The following FAM107A variants were observed in gnomAD, a reference collection of about 807,000 sequenced individuals.
FAM107A encodes the protein actin-associated protein FAM107A.
A neutral mutation model predicts 13.7 loss-of-function variants in FAM107A; 19 were observed. The ratio of observed to expected loss-of-function variants is 1.38; its 90% CI spans 0.97 to 2.03. The LOEUF (loss-of-function observed/expected upper bound fraction) is 2.03, where lower values mean the gene tolerates loss of function less well. Among genes scored for constraint, FAM107A ranks in the 30% most tolerant of loss-of-function variants. The pLI is 0.00. For missense variants in FAM107A, 203 were observed against 184.4 expected (o/e 1.10, Z -0.58); for synonymous variants, 82 against 74.5 (o/e 1.10, Z -0.52).
At chr3:58,570,467 G>T in intron 1 of FAM107A, 1 of 649,576 alleles carries the variant, frequency 1.5e-6, no homozygotes, top group Non-Finnish European at 1.9e-6. Context: ...CTACTCAATG[G>T]CCCCACTTCT....
At chr3:58,571,610 G>A (rs1329864901) in intron 1 of FAM107A, among the ~76,000 whole-genome samples, 2 of 152,138 alleles carry the variant, frequency 1.3e-5, no homozygotes, top group East Asian at 3.8e-4. Flanking sequence ...CTTAGTGTGG[G>A]TATTTTATTG....
chr3:58,593,766 C>T (rs9880935), intron 1 of FAM107A, among the ~76,000 whole-genome samples: 3,811 of 152,200 alleles, frequency 0.025, 175 homozygotes, highest in African/African-American at 0.088. Flanking sequence ...ACACAGCCGT[C>T]CGCGCCCTAC....
intron 1 of FAM107A, chr3:58,627,119 G>C (rs1011971700): frequency 1.1e-6 from 1 of 911,784 alleles, no homozygotes; most frequent in Non-Finnish European, 1.7e-6. Context: ...GTCCTCTTGC[G>C]GCTCATTCTC....
chr3:58,581,800 G>A (rs574562470), upstream of FAM107A, among the ~76,000 whole-genome samples: 26 of 152,336 alleles, frequency 1.7e-4, no homozygotes, highest in Non-Finnish European at 1.9e-4. Flanking sequence ...GTGAGAGGGG[G>A]TGGGGAAGAA....
upstream of FAM107A, among the ~76,000 whole-genome samples, chr3:58,592,060 G>A (rs2065658608): frequency 1.3e-5 from 2 of 152,162 alleles, no homozygotes; most frequent in South Asian, 2.1e-4. Flanking sequence ...TTTCCCCTGG[G>A]GGTTCCAATT....
chr3:58,583,183 C>T (rs1390241340), intron 1 of FAM107A, among the ~76,000 whole-genome samples: 3 of 152,224 alleles, frequency 2.0e-5, no homozygotes, highest in African/African-American at 4.8e-5. Context: ...AACACACACA[C>T]ACTATGCATA....
chr3:58,577,313 C>G lies in FAM107A; in HGVS notation c.-10G>C. The G allele has an allele frequency of 2.0e-6, 2 of 985,306 alleles. No homozygotes were observed. The highest frequency in any genetic ancestry group is 2.4e-6 in the Non-Finnish European group (2 of 829,844). 61.0% of individuals were successfully genotyped at this position (985,306 alleles called of 1,614,324 possible). ...ACAGAACAGAGATGGTCTTACTTCT[C>G]AGGTCGAGTCCTTGGGAAGGGAAGT... On this transcript the variant is annotated 5_prime_UTR_variant, in exon 1 of 4. Coordinates refer to ENST00000360997, the MANE Select transcript of FAM107A (RefSeq NM_001076778.3). This position sits in a 1 kb window ranked among gnomAD's most constrained non-coding sequence, Gnocchi z 4.9.
intron 1 of FAM107A, among the ~76,000 whole-genome samples, chr3:58,615,766 T>C (rs556256315): frequency 1.3e-5 from 2 of 151,926 alleles, no homozygotes; most frequent in Admixed American, 6.6e-5. Flanking sequence ...CATGGTGGTG[T>C]GTGCCTGTAA....
chr3:58,594,479 T>C (rs990483108), intron 1 of FAM107A, among the ~76,000 whole-genome samples: 15 of 152,142 alleles, frequency 9.9e-5, no homozygotes, highest in Admixed American at 5.2e-4. Context: ...GTGCAAGACA[T>C]CTCTTTTGGT....
At chr3:58,611,788 C>G (rs964274860) in intron 1 of FAM107A, among the ~76,000 whole-genome samples, 1 of 152,130 alleles carries the variant, frequency 6.6e-6, no homozygotes, top group Non-Finnish European at 1.5e-5. Flanking sequence ...ACAGTAGTGC[C>G]GACTTCACGG....
At chr3:58,626,852 G>T in intron 1 of FAM107A, 1 of 929,562 alleles carries the variant, frequency 1.1e-6, no homozygotes, top group Non-Finnish European at 1.7e-6. Context: ...GTTCCAGGGG[G>T]AGGGCTGGTG....
chr3:58,566,342 G>T lies in FAM107A; in HGVS notation c.*246C>A, dbSNP rs551399952. ...TCCTGTGCTGGGCTCTGAACCCCTT[G>T]CAGGGAGGGGTGCAGGTTATCCCTC... is the stretch of plus-strand genomic sequence containing the variant. On this transcript the variant is annotated 3_prime_UTR_variant, in exon 4 of 4. Transcript: ENST00000360997. 5.9e-4 allele frequency: 287 copies of T among 487,244 alleles called. 6 individuals are homozygous for T. In the South Asian group the frequency reaches 0.01, roughly 18 times the overall value. The allele number at this position is 487,244 out of a possible 1,614,324, so 30.2% of individuals were successfully genotyped here. A position where few individuals can be genotyped will look rare whatever the true frequency, so the allele number is the denominator to read the frequency against.
chr3:58,579,203 T>C (rs1315276648), upstream of FAM107A, among the ~76,000 whole-genome samples: 1 of 151,792 alleles, frequency 6.6e-6, no homozygotes, highest in South Asian at 2.1e-4. Flanking sequence ...GAAGAGCCAG[T>C]GGAAAGGCCC....
upstream of FAM107A, among the ~76,000 whole-genome samples, chr3:58,590,949 T>C (rs555492896): frequency 5.1e-4 from 77 of 152,300 alleles, no homozygotes; most frequent in African/African-American, 1.6e-3. Context: ...TCCCTTTGCA[T>C]TGGGGACTCA....
intron 1 of FAM107A, among the ~76,000 whole-genome samples, chr3:58,576,043 G>A (rs1330991107): frequency 6.6e-6 from 1 of 152,220 alleles, no homozygotes; most frequent in Non-Finnish European, 1.5e-5. Context: ...AAAGTGACAA[G>A]CACGGTCACT....
chr3:58,608,364 G>T (rs2065818042), intron 1 of FAM107A, among the ~76,000 whole-genome samples: 1 of 152,178 alleles, frequency 6.6e-6, no homozygotes, highest in Non-Finnish European at 1.5e-5. Flanking sequence ...AGAAGGAAAT[G>T]GGCTTGTCTA....
At chr3:58,586,872 A>C in exon 1 of FAM107A, 1 of 1,533,150 alleles carries the variant, frequency 6.5e-7, no homozygotes, top group South Asian at 1.2e-5. Context: ...CCGGAGCAGC[A>C]CAGCCCGGTA....
upstream of FAM107A, among the ~76,000 whole-genome samples, chr3:58,587,659 G>A (rs565844587): frequency 6.6e-6 from 1 of 152,190 alleles, no homozygotes; most frequent in South Asian, 2.1e-4. Context: ...GGAGGCCTAT[G>A]GAACTCCACC....
Position 58,567,596 on chromosome 3 carries a change from A to G in FAM107A, c.171-232T>C, listed in dbSNP as rs1329871863. Among the ~76,000 whole-genome samples, 3 of 152,170 alleles carry G rather than the reference A, an allele frequency of 2.0e-5. No individual in the cohort carries two copies. The East Asian group carries it at 5.8e-4, about 29-fold the overall frequency. On this transcript the variant is annotated intron_variant, in intron 2 of 3. Coordinates refer to ENST00000360997, the MANE Select transcript of FAM107A (RefSeq NM_001076778.3). ...ACAGGTAGGCCACATGAGGATTTGA[A>G]CCCAGGCCTGTTTGACTGCAGAGAC... is the stretch of plus-strand genomic sequence containing the variant.
Sources: gnomAD v4.1 joint callset for allele counts (sites outside exome capture counted in the v4.1 genomes callset) on GRCh38, gnomAD v4.1.1 for gene constraint, Gnocchi (gnomAD v3.1) non-coding constraint, MANE v1.5 for transcripts, NCBI Gene and HGNC (gene_info 2026-07-23, HGNC 2026-07-21) for gene names.